Variants in FBXL13 observed in about 807,000 individuals in gnomAD.
FBXL13 encodes F-box and leucine rich repeat protein 13, also known as F-box and leucine-rich repeat protein 13.
FBXL13 carries 67 observed loss-of-function variants against 83.6 expected under a neutral mutation model. The observed-to-expected ratio is 0.80, with a 90% CI of 0.66 to 0.98. The LOEUF is 0.98. FBXL13 is among the 50% of genes least tolerant of loss of function. The pLI is 0.00. For synonymous variants in FBXL13, 272 were observed against 299.5 expected (o/e 0.91, Z 0.95); for missense variants, 822 against 866.5 (o/e 0.95, Z 0.64).
At chr7:102,818,014 G>A (rs548630040) in intron 19 of FBXL13, among the ~76,000 whole-genome samples, 1 of 152,290 alleles carries the variant, frequency 6.6e-6, no homozygotes, top group East Asian at 1.9e-4. Context: ...ACTGAAGTTT[G>A]TTAGTGATTT....
At position 102,954,068 on chromosome 7, in the gene FBXL13, C is replaced by G. The variant is rs192374580; in HGVS notation, c.724+9465G>C. On this transcript the variant is annotated intron_variant, in intron 8 of 19. Coordinates refer to ENST00000313221, the Ensembl canonical transcript of FBXL13. ...CAACTGAGGTACCTGGTTCATCTCACTGGGACTGGTTGGACAGTGGGTGCA... is the reference window on the plus strand; with the variant it reads ...CAACTGAGGTACCTGGTTCATCTCAGTGGGACTGGTTGGACAGTGGGTGCA... 2.8e-3 allele frequency among the ~76,000 whole-genome samples: 422 copies of G among 152,230 alleles called. 1 individual carries two copies. The highest frequency in any genetic ancestry group is 3.5e-3 in the Non-Finnish European group (237 of 68,024).
intron 6 of FBXL13, among the ~76,000 whole-genome samples, chr7:103,012,991 A>C (rs1207146831): frequency 6.6e-6 from 1 of 152,248 alleles, no homozygotes; most frequent in African/African-American, 2.4e-5. Flanking sequence ...AGGGGCTGCT[A>C]TTCTAATTCC....
chr7:102,834,138 G>GAAAGAAAGAAAGA (rs1554405117), intron 17 of FBXL13, among the ~76,000 whole-genome samples: 1 of 123,888 alleles, frequency 8.1e-6, no homozygotes, highest in African/African-American at 3.3e-5. Context: ...AAGAAAGAAA[G>GAAAGAAAGAAAGA]AAAAGAGAAG....
At chr7:103,042,804 T>C (rs1795864488) in intron 2 of FBXL13, among the ~76,000 whole-genome samples, 1 of 152,166 alleles carries the variant, frequency 6.6e-6, no homozygotes, top group African/African-American at 2.4e-5. Flanking sequence ...CCTTACACCA[T>C]ATACAAAAAT....
intron 16 of FBXL13, among the ~76,000 whole-genome samples, chr7:102,865,140 A>T (rs1807444494): frequency 6.6e-6 from 1 of 152,228 alleles, no homozygotes; most frequent in Admixed American, 6.5e-5. Flanking sequence ...CAGTCTACCT[A>T]TAAAATTATC....
chr7:103,003,421 GGGATTACA>G (rs1387520868), intron 6 of FBXL13, among the ~76,000 whole-genome samples: 1 of 150,560 alleles, frequency 6.6e-6, no homozygotes, highest in East Asian at 1.9e-4. Flanking sequence ...CTGAGTAGCT[GGGATTACA>G]GGTGCACGCC....
At chr7:102,816,463 C>G (rs895777490) in intron 19 of FBXL13, among the ~76,000 whole-genome samples, 4 of 152,174 alleles carry the variant, frequency 2.6e-5, no homozygotes, top group African/African-American at 9.7e-5. Flanking sequence ...CCGTGACTAG[C>G]TGTCCTCACC....
intron 6 of FBXL13, among the ~76,000 whole-genome samples, chr7:103,017,599 C>A (rs544603222): frequency 6.6e-6 from 1 of 152,258 alleles, no homozygotes; most frequent in Non-Finnish European, 1.5e-5. Flanking sequence ...GAATAGCTAA[C>A]TAGAATAACT....
chr7:103,058,370 A>G (rs535254977), intron 1 of FBXL13, among the ~76,000 whole-genome samples: 1 of 152,318 alleles, frequency 6.6e-6, no homozygotes, highest in East Asian at 1.9e-4. Context: ...TAGTGGTCTC[A>G]CCACAGTTGC....
At chr7:103,047,910 G>T (rs933782942) in intron 2 of FBXL13, among the ~76,000 whole-genome samples, 4 of 152,130 alleles carry the variant, frequency 2.6e-5, no homozygotes, top group African/African-American at 9.7e-5. Flanking sequence ...TAGCCGGGCT[G>T]GTCTCAAACT....
At chr7:103,062,217 T>C (rs1797994694) in intron 1 of FBXL13, among the ~76,000 whole-genome samples, 1 of 152,108 alleles carries the variant, frequency 6.6e-6, no homozygotes, top group Non-Finnish European at 1.5e-5. Context: ...CTGCTTAATG[T>C]TTTTGTAGAC....
At chr7:102,912,583 T>G (rs1290189498) in intron 11 of FBXL13, among the ~76,000 whole-genome samples, 1 of 152,028 alleles carries the variant, frequency 6.6e-6, no homozygotes, top group Non-Finnish European at 1.5e-5. Flanking sequence ...CAAATCTTCA[T>G]GTTATTCAGC....
intron 8 of FBXL13, among the ~76,000 whole-genome samples, chr7:102,935,313 G>A (rs185162355): frequency 0.014 from 1,741 of 128,452 alleles, 22 homozygotes; most frequent in Middle Eastern, 0.02. Context: ...GTGCAGTGGC[G>A]CAATCTTGGC....
At chr7:102,919,313 C>T (rs2129470077) in intron 10 of FBXL13, among the ~76,000 whole-genome samples, 1 of 152,052 alleles carries the variant, frequency 6.6e-6, no homozygotes, top group Middle Eastern at 3.4e-3. Flanking sequence ...AATGAAAAGG[C>T]ATATAGAAAT....
intron 16 of FBXL13, among the ~76,000 whole-genome samples, chr7:102,875,872 G>A (rs1046416742): frequency 6.6e-6 from 1 of 152,096 alleles, no homozygotes; most frequent in African/African-American, 2.4e-5. Flanking sequence ...TGGTTCAGAG[G>A]GGAGTAGAAC....
At chr7:103,019,546 G>T (rs1467179690) in intron 6 of FBXL13, among the ~76,000 whole-genome samples, 1 of 152,084 alleles carries the variant, frequency 6.6e-6, no homozygotes, top group Non-Finnish European at 1.5e-5. Context: ...CTGGTTTTTT[G>T]AAAAGACTAA....
At chr7:103,055,260 T>C (rs1448554543) in intron 2 of FBXL13, 82 bp from the exon 3 acceptor site, 6 of 750,186 alleles carry the variant, frequency 8.0e-6, no homozygotes, top group African/African-American at 1.9e-5. Flanking sequence ...TTCTTGTAGG[T>C]GGAATGAAAG....
chr7:103,054,255 C>A (rs1797117347), intron 2 of FBXL13, among the ~76,000 whole-genome samples: 1 of 151,942 alleles, frequency 6.6e-6, no homozygotes. Flanking sequence ...AGTGGCGTGG[C>A]AGCATGCATC....
chr7:102,905,322 T>A (rs1813593874), intron 11 of FBXL13, among the ~76,000 whole-genome samples: 1 of 152,236 alleles, frequency 6.6e-6, no homozygotes, highest in Admixed American at 6.5e-5. Flanking sequence ...TTAAAATTGT[T>A]ATATCTTCTT....
Sources: gnomAD v4.1 joint callset for allele counts (sites outside exome capture counted in the v4.1 genomes callset) on GRCh38, gnomAD v4.1.1 for gene constraint, MANE v1.5 for transcripts, NCBI Gene and HGNC (gene_info 2026-07-23, HGNC 2026-07-21) for gene names.